CD96: variants seen among roughly 807,000 people sequenced by gnomAD.
CD96 encodes CD96 molecule, also known as T-cell surface protein tactile.
In CD96, 70 loss-of-function variants were observed where a neutral mutation model predicts 71.3. The ratio of observed to expected loss-of-function variants is 0.98; its 90% CI spans 0.81 to 1.20. The LOEUF (loss-of-function observed/expected upper bound fraction) is 1.20. CD96 is among the 50% of genes most tolerant of loss of function. The pLI, the probability that CD96 is intolerant of heterozygous loss-of-function variation, is 0.00. For missense variants in CD96, 742 were observed against 677.5 expected, an observed-to-expected ratio of 1.10 and a Z score of -1.06; for synonymous variants, 248 against 233.0, an observed-to-expected ratio of 1.06 and a Z score of -0.59.
intron 11 of CD96, 98 bp from the exon 12 acceptor site, chr3:111,637,981 A>G (rs1042594150): frequency 1.3e-6 from 1 of 793,950 alleles, no homozygotes; most frequent in African/African-American, 1.7e-5. Context: ...GACAATTTAA[A>G]TTGAGTTCTT....
At chr3:111,571,701 G>A (rs999826429) in intron 3 of CD96, among the ~76,000 whole-genome samples, 1 of 152,124 alleles carries the variant, frequency 6.6e-6, no homozygotes, top group Non-Finnish European at 1.5e-5. Flanking sequence ...ACATGGTGTT[G>A]GCAAATGTGC....
rs988279068 is a variant in CD96, at chr3:111,562,112, G to A, written c.419-5411G>A. 3.9e-4 allele frequency among the ~76,000 whole-genome samples: 60 copies of A among 152,306 alleles called. No homozygotes were observed. The South Asian group carries it at 5.8e-3, about 15-fold the overall frequency. ...CACTGGCCTGCGCCCACTGTCTGGCGCTCCCTAGTGAGATGAACCCAGTAC... is the reference window on the plus strand; with the variant it reads ...CACTGGCCTGCGCCCACTGTCTGGCACTCCCTAGTGAGATGAACCCAGTAC... On this transcript the variant is annotated intron_variant, in intron 2 of 13. Coordinates refer to ENST00000352690, the MANE Select transcript of CD96 (RefSeq NM_005816.5).
intron 5 of CD96, chr3:111,593,175 C>T (rs1278939663): frequency 1.2e-5 from 2 of 172,000 alleles, no homozygotes; most frequent in African/African-American, 2.4e-5. Flanking sequence ...CCTAACCAGC[C>T]TCAGCCCTCA....
intron 2 of CD96, among the ~76,000 whole-genome samples, chr3:111,554,226 G>C (rs1055043630): frequency 2.6e-5 from 4 of 151,706 alleles, no homozygotes; most frequent in African/African-American, 9.7e-5. Flanking sequence ...GATTCAATTA[G>C]GTATTCACCT....
At chr3:111,631,376 T>C (rs1939052544) in intron 10 of CD96, among the ~76,000 whole-genome samples, 1 of 152,112 alleles carries the variant, frequency 6.6e-6, no homozygotes, top group Admixed American at 6.5e-5. Context: ...AGCCAAATCA[T>C]GAATGAATTC....
chr3:111,596,034 C>T (rs1482624502), intron 5 of CD96, among the ~76,000 whole-genome samples: 4 of 151,638 alleles, frequency 2.6e-5, no homozygotes, highest in East Asian at 3.9e-4. Flanking sequence ...TGGTGGTGCA[C>T]GCCTGTAATC....
intron 8 of CD96, among the ~76,000 whole-genome samples, chr3:111,618,582 CT>C (rs35004472): frequency 0.13 from 15,792 of 123,864 alleles, 647 homozygotes; most frequent in African/African-American, 0.15. Context: ...TTATTTCTCT[CT>C]TTTTTTTTTT....
intron 4 of CD96, among the ~76,000 whole-genome samples, chr3:111,583,610 C>T (rs1266534319): frequency 6.6e-6 from 1 of 152,254 alleles, no homozygotes; most frequent in Non-Finnish European, 1.5e-5. Context: ...TAGATGTTCC[C>T]AAACCTCAGT....
At chr3:111,623,652 T>C in intron 8 of CD96, 102 bp from the exon 9 acceptor site, 2 of 765,176 alleles carry the variant, frequency 2.6e-6, no homozygotes, top group Non-Finnish European at 4.7e-6. Context: ...ACTAAGATTC[T>C]TTCCAACTCT....
intron 8 of CD96, among the ~76,000 whole-genome samples, chr3:111,620,994 C>T (rs1412002824): frequency 1.3e-5 from 2 of 152,202 alleles, no homozygotes; most frequent in African/African-American, 4.8e-5. Flanking sequence ...ATGAAATTCC[C>T]AATCAAGTTA....
chr3:111,623,748 A>G lies in CD96; in HGVS notation c.1181-6A>G. On this transcript the variant is annotated splice_polypyrimidine_tract_variant and splice_region_variant and intron_variant, in intron 8 of 13. Coordinates refer to ENST00000352690, the MANE Select transcript of CD96 (RefSeq NM_005816.5). Reference sequence around the variant, plus strand: ...TAATAATTTGGGAATTTTATTTTCAAAATAGGATATCCAGCTACATCTTCA... The same window carrying G: ...TAATAATTTGGGAATTTTATTTTCAGAATAGGATATCCAGCTACATCTTCA... 1 of 1,594,640 alleles carries G rather than the reference A, an allele frequency of 6.3e-7. No individual in the cohort carries two copies. Among genetic ancestry groups the G allele is most frequent in the Non-Finnish European group, 8.6e-7 (1 of 1,162,306 alleles).
intron 2 of CD96, among the ~76,000 whole-genome samples, chr3:111,562,778 G>A (rs1475770310): frequency 6.6e-6 from 1 of 152,122 alleles, no homozygotes; most frequent in South Asian, 2.1e-4. Flanking sequence ...GGGTCTCCCT[G>A]ACTCAGTGTG....
exon 15 of CD96, chr3:111,665,622 A>G (rs1398134740): frequency 1.3e-5 from 2 of 152,174 alleles, no homozygotes; most frequent in Non-Finnish European, 2.9e-5. Flanking sequence ...GAGCAAACTT[A>G]CCCTCTCACC....
chr3:111,656,597 A>G (rs1940235341), downstream of CD96, among the ~76,000 whole-genome samples: 1 of 152,218 alleles, frequency 6.6e-6, no homozygotes, highest in South Asian at 2.1e-4. Context: ...AAGTATTTGA[A>G]ATTATCTAAA....
chr3:111,613,546 G>C (rs1513328), intron 8 of CD96, among the ~76,000 whole-genome samples: 38,957 of 152,038 alleles, frequency 0.26, 5,884 homozygotes, highest in African/African-American at 0.43. Flanking sequence ...TGATGAAGCT[G>C]ATTCAAATGA....
At chr3:111,575,912 T>C (rs1156494858) in intron 3 of CD96, among the ~76,000 whole-genome samples, 1 of 152,240 alleles carries the variant, frequency 6.6e-6, no homozygotes, top group African/African-American at 2.4e-5. Context: ...CATTGGGGAT[T>C]AAGTTTCAAT....
intron 5 of CD96, among the ~76,000 whole-genome samples, chr3:111,589,390 T>G (rs1936869240): frequency 1.3e-5 from 2 of 152,230 alleles, no homozygotes; most frequent in Admixed American, 1.3e-4. Context: ...TTACCTAATG[T>G]GCCATAAAAT....
chr3:111,647,739 A>G, intron 13 of CD96, 73 bp downstream of exon 13: 2 of 1,122,684 alleles, frequency 1.8e-6, no homozygotes, highest in South Asian at 1.3e-5. Context: ...ACAATATATT[A>G]TTACTCTATG....
chr3:111,633,621 A>G (rs1939181765), intron 10 of CD96: 1 of 152,266 alleles, frequency 6.6e-6, no homozygotes, highest in South Asian at 2.1e-4. Flanking sequence ...TGGTTAAGGC[A>G]TAAGCCCCAT....
Sources: gnomAD v4.1 joint callset for allele counts (sites outside exome capture counted in the v4.1 genomes callset) on GRCh38, gnomAD v4.1.1 for gene constraint, MANE v1.5 for transcripts, NCBI Gene and HGNC (gene_info 2026-07-23, HGNC 2026-07-21) for gene names.